The following POC5 variants were observed in gnomAD, a reference collection of about 807,000 sequenced individuals.
POC5 encodes POC5 centriolar protein.
A neutral mutation model predicts 62.9 loss-of-function variants in POC5; 48 were observed. That is an observed-to-expected ratio of 0.76 (90% CI 0.61 to 0.97). The LOEUF (loss-of-function observed/expected upper bound fraction) is 0.97, where lower values mean the gene tolerates loss of function less well. POC5 is among the 50% of genes least tolerant of loss of function. POC5 has a pLI of 0.00. For missense variants in POC5, 696 were observed against 679.5 expected (o/e 1.02, Z -0.27); for synonymous variants, 236 against 228.2 (o/e 1.03, Z -0.31).
chr5:75,688,432 T>A (rs1396413734), intron 9 of POC5, among the ~76,000 whole-genome samples: 1 of 152,194 alleles, frequency 6.6e-6, no homozygotes, highest in Non-Finnish European at 1.5e-5. Flanking sequence ...ATTCTAGTTA[T>A]GGGCTTTTCT....
Position 75,706,668 on chromosome 5 carries a change from A to G in POC5, c.224-881T>C, listed in dbSNP as rs993987554. ...AGCCTTGAACTCCTGAGCTCATGCA[A>G]TCCTCCCACCCCAGCCTCCCAAGGT... On this transcript the variant is annotated intron_variant, in intron 3 of 11. Transcript: ENST00000428202. 2.0e-5 allele frequency among the ~76,000 whole-genome samples: 3 copies of G among 151,970 alleles called. No individual in the cohort carries two copies. The South Asian group carries it at 6.2e-4, about 32-fold the overall frequency.
intron 5 of POC5, among the ~76,000 whole-genome samples, chr5:75,696,889 C>T (rs1429830628): frequency 5.3e-5 from 8 of 151,544 alleles, no homozygotes; most frequent in African/African-American, 1.5e-4. Context: ...AACCAAGGCT[C>T]GAGAACTACG....
intron 4 of POC5, among the ~76,000 whole-genome samples, chr5:75,703,082 G>A (rs1431214894): frequency 1.3e-5 from 2 of 152,096 alleles, no homozygotes; most frequent in Non-Finnish European, 2.9e-5. Context: ...ATATATCCAG[G>A]TCCAGCCTGA....
At position 75,688,997 on chromosome 5, in the gene POC5, T is replaced by C. The variant is rs752182559; in HGVS notation, c.1129+15A>G. On this transcript the variant is annotated intron_variant, in intron 9 of 11. Transcript: ENST00000428202. Reference sequence around the variant, plus strand: ...TTTTTGAAATTAGGCAGAGAAACTTTAATGAAATACTAACCTGCATCATTT... The same window carrying C: ...TTTTTGAAATTAGGCAGAGAAACTTCAATGAAATACTAACCTGCATCATTT... The C allele has an allele frequency of 4.6e-6, 7 of 1,529,616 alleles. No homozygotes were observed. The highest frequency in any genetic ancestry group is 6.1e-6 in the Non-Finnish European group (7 of 1,138,758). 94.8% of individuals were successfully genotyped at this position (1,529,616 alleles called of 1,614,324 possible). A position where few individuals can be genotyped will look rare whatever the true frequency, so the allele number is the denominator to read the frequency against.
At chr5:75,699,421 A>C (rs1776765847) in intron 5 of POC5, among the ~76,000 whole-genome samples, 1 of 152,018 alleles carries the variant, frequency 6.6e-6, no homozygotes, top group Non-Finnish European at 1.5e-5. Context: ...AATATACACA[A>C]ATCAATAATG....
Position 75,674,529 on chromosome 5 carries a change from G to A in POC5, c.1634C>T (p.Pro545Leu). The change falls in exon 12 of 12, where the codon CCT becomes CTT. Residue 545 changes from proline (P) to leucine (L), a missense_variant. Transcript: ENST00000428202. ...TAAKYPRTIH[P>L]ESSTSASRSL... ...TCTGGAAGCTGAGGTACTACTTTCA[G>A]GATGAATGGTCCGGGGATATTTTGC... 5.6e-6 allele frequency: 9 copies of A among 1,613,988 alleles called. No individual in the cohort carries two copies. The highest frequency in any genetic ancestry group is 7.6e-6 in the Non-Finnish European group (9 of 1,179,880).
At chr5:75,712,391 T>C (rs375247406) in intron 2 of POC5, 1 of 1,610,658 alleles carries the variant, frequency 6.2e-7, no homozygotes, top group East Asian at 2.2e-5. Flanking sequence ...TCATTTTATC[T>C]GTCAATGTCC....
intron 2 of POC5, among the ~76,000 whole-genome samples, chr5:75,710,579 C>G (rs1268739400): frequency 6.6e-6 from 1 of 152,218 alleles, no homozygotes; most frequent in Non-Finnish European, 1.5e-5. Flanking sequence ...CAAGAAGGCA[C>G]CTGTCTGCAA....
chr5:75,696,310 C>T (rs1776583833), intron 5 of POC5, among the ~76,000 whole-genome samples: 1 of 152,158 alleles, frequency 6.6e-6, no homozygotes, highest in African/African-American at 2.4e-5. Context: ...CTTAAATGTC[C>T]CTGTCTGACA....
rs758477218 is a variant in POC5, at chr5:75,690,536, C to G, written c.822G>C (p.Gln274His). 1 of 1,591,060 alleles carries G rather than the reference C, an allele frequency of 6.3e-7. No individual in the cohort carries two copies. The highest frequency in any genetic ancestry group is 8.6e-7 in the Non-Finnish European group (1 of 1,167,696). ...QDVYEGKLAD[Q>H]YYQRTLLKKV... Reference sequence around the variant, plus strand: ...TCTTCAGTAAAGTTCTCTGGTAGTACTGGTCAGCTAGTTTACCTTCATAAA... The same window carrying G: ...TCTTCAGTAAAGTTCTCTGGTAGTAGTGGTCAGCTAGTTTACCTTCATAAA... The change falls in exon 8 of 12, where the codon CAG (glutamine) becomes CAC (histidine). Residue 274 changes from glutamine (Q) to histidine (H), a missense_variant. Physicochemically the swap from Gln to His is conservative, Grantham distance 24. Transcript: ENST00000428202.
At chr5:75,687,382 T>C (rs1776141005) in intron 9 of POC5, among the ~76,000 whole-genome samples, 1 of 143,382 alleles carries the variant, frequency 7.0e-6, no homozygotes, top group East Asian at 2.0e-4. Flanking sequence ...TTTTTTTTCT[T>C]ATGAGAACTA....
chr5:75,683,703 T>TA (rs199993511), intron 10 of POC5, among the ~76,000 whole-genome samples: 4,942 of 138,708 alleles, frequency 0.036, 250 homozygotes, highest in African/African-American at 0.12. Flanking sequence ...AAACTCTAGT[T>TA]AAAAAAAAAA....
intron 2 of POC5, among the ~76,000 whole-genome samples, chr5:75,708,950 A>G (rs1777233138): frequency 6.6e-6 from 1 of 152,088 alleles, no homozygotes; most frequent in African/African-American, 2.4e-5. Flanking sequence ...CTCCTGCCTC[A>G]GCCTCCTGAG....
intron 1 of POC5, among the ~76,000 whole-genome samples, chr5:75,715,725 T>C (rs1391366750): frequency 2.0e-5 from 3 of 152,206 alleles, no homozygotes; most frequent in Non-Finnish European, 2.9e-5. Flanking sequence ...AAAGAAGATC[T>C]TTCGCTTTAA....
chr5:75,692,421 AT>A lies in POC5; in HGVS notation c.769del (p.Ile257SerfsTer15). On this transcript the variant is annotated frameshift_variant, in exon 7 of 12. Transcript: ENST00000428202. LOFTEE classifies it high-confidence loss of function. Reference protein sequence around the residue: ...ELMRTFFHWRIGHVRARQDVY... With the variant: ...ELMRTFFHWRXGHVRARQDVY... ...ATCCTGTCTGGCTCTGACATGGCCG[AT>A]TCGCCAGTGGAAGAATGTTCTCATC... 6.3e-7 allele frequency: 1 copy of A among 1,594,356 alleles called. No individual in the cohort carries two copies. Among genetic ancestry groups the A allele is most frequent in the Non-Finnish European group, 8.5e-7 (1 of 1,169,832 alleles).
In POC5 at chr5:75,705,576, C is replaced by T. The variant is rs1041314827; in HGVS notation, c.307+128G>A. ...TTTTAAATATTATCACTTAAATTAG[C>T]AATAATAGCATTTTAAAATCCTGCT... On this transcript the variant is annotated intron_variant, in intron 4 of 11. Coordinates refer to ENST00000428202, the MANE Select transcript of POC5 (RefSeq NM_001099271.2). 7.0e-6 allele frequency: 4 copies of T among 567,520 alleles called. No individual in the cohort carries two copies. In the South Asian group the frequency reaches 8.9e-5, roughly 13 times the overall value. The allele number at this position is 567,520 out of a possible 1,614,324, so 35.2% of individuals were successfully genotyped here. A position where few individuals can be genotyped will look rare whatever the true frequency, so the allele number is the denominator to read the frequency against.
In POC5 at chr5:75,715,309, C is replaced by CAAAAA. The variant is rs922297009; in HGVS notation, c.-15+1992_-15+1996dup. On this transcript the variant is annotated intron_variant, in intron 1 of 11. Coordinates refer to ENST00000428202, the MANE Select transcript of POC5 (RefSeq NM_001099271.2). ...TGGGCGACAGAGTGAGACTCCGTCT[C>CAAAAA]AAAAAAAAAAAAAAAAAAAAAGAAC... 2.2e-4 allele frequency among the ~76,000 whole-genome samples: 13 copies of CAAAAA among 59,260 alleles called. 1 individual carries two copies. The highest frequency in any genetic ancestry group is 6.8e-4 in the African/African-American group (11 of 16,100). 38.9% of individuals were successfully genotyped at this position (59,260 alleles called of 152,430 possible).
intron 10 of POC5, among the ~76,000 whole-genome samples, chr5:75,683,282 T>A (rs2112090088): frequency 6.6e-6 from 1 of 151,084 alleles, no homozygotes; most frequent in East Asian, 2.0e-4. Flanking sequence ...TCGCCCAGGC[T>A]GAAGTGCAGT....
intron 1 of POC5, among the ~76,000 whole-genome samples, chr5:75,716,445 T>C (rs1455585575): frequency 6.7e-6 from 1 of 148,214 alleles, no homozygotes; most frequent in Non-Finnish European, 1.5e-5. Flanking sequence ...ATCTCAAAAA[T>C]TGTTTCTTAA....
Sources: gnomAD v4.1 joint callset for allele counts (sites outside exome capture counted in the v4.1 genomes callset) on GRCh38, gnomAD v4.1.1 for gene constraint, MANE v1.5 for transcripts, NCBI Gene and HGNC (gene_info 2026-07-23, HGNC 2026-07-21) for gene names.